DGKH: variants seen among roughly 807,000 people sequenced by gnomAD.
The protein encoded by DGKH is diacylglycerol kinase eta, also known as DAG kinase eta.
A neutral mutation model predicts 159.3 loss-of-function variants in DGKH; 90 were observed. That is an observed-to-expected ratio of 0.57 (90% CI 0.48 to 0.67). The LOEUF (loss-of-function observed/expected upper bound fraction) is 0.67. DGKH is among the 30% of genes least tolerant of loss of function. DGKH has a pLI of 0.00. For synonymous variants in DGKH, 536 were observed against 553.8 expected (o/e 0.97, Z 0.45); for missense variants, 1,181 against 1,506.1 (o/e 0.78, Z 3.57).
intron 1 of DGKH, among the ~76,000 whole-genome samples, chr13:42,043,433 A>C (rs1160537611): frequency 6.6e-6 from 1 of 151,128 alleles, no homozygotes; most frequent in Non-Finnish European, 1.5e-5. Context: ...AGCTCACTGC[A>C]GCCAGGAGGG....
chr13:42,108,625 C>CT (rs1361674739), intron 1 of DGKH, among the ~76,000 whole-genome samples: 2 of 152,102 alleles, frequency 1.3e-5, no homozygotes, highest in Non-Finnish European at 2.9e-5. Flanking sequence ...GACGGCATCT[C>CT]TAAGTGGAGA....
rs56173082 is a variant in DGKH at position 42,218,502 on chromosome 13, C to CTTTTTTTTTTTTTT, written c.3214-719_3214-706dup. Reference sequence around the variant, plus strand: ...AAAGTATTATTTGTTCATGTGGTGACTTTTTTTTTTTTTTTTTTTTTTGAG... The same window carrying CTTTTTTTTTTTTTT: ...AAAGTATTATTTGTTCATGTGGTGACTTTTTTTTTTTTTTTTTTTTTTTTTTTTTTTTTTTTGAG... On this transcript the variant is annotated intron_variant, in intron 26 of 29. Coordinates refer to ENST00000337343, the MANE Select transcript of DGKH (RefSeq NM_178009.5). 5.7e-5 allele frequency among the ~76,000 whole-genome samples: 5 copies of CTTTTTTTTTTTTTT among 88,326 alleles called. 2 individuals carry two copies. Among genetic ancestry groups the CTTTTTTTTTTTTTT allele is most frequent in the African/African-American group, 1.3e-4 (3 of 23,222 alleles). The allele number at this position is 88,326 out of a possible 152,430, so 57.9% of individuals were successfully genotyped here.
At chr13:42,202,141 T>C (rs1216760960) in intron 20 of DGKH, among the ~76,000 whole-genome samples, 2 of 151,970 alleles carry the variant, frequency 1.3e-5, no homozygotes, top group Admixed American at 6.6e-5. Flanking sequence ...ATAAAATGAG[T>C]AAAACAAGAT....
intron 15 of DGKH, among the ~76,000 whole-genome samples, chr13:42,189,705 T>C (rs1408652807): frequency 1.3e-5 from 2 of 152,196 alleles, no homozygotes; most frequent in Admixed American, 1.3e-4. Flanking sequence ...CTCACTCTGT[T>C]GCCCAAGCTG....
At chr13:42,220,535 T>C (rs1167179446) in intron 28 of DGKH, among the ~76,000 whole-genome samples, 1 of 152,206 alleles carries the variant, frequency 6.6e-6, no homozygotes, top group Non-Finnish European at 1.5e-5. Context: ...AAAAAAGTGA[T>C]GTAAAGCCTT....
In DGKH at chr13:42,209,439, A is replaced by G; in HGVS notation, c.2824A>G (p.Arg942Gly). 2.5e-6 allele frequency: 4 copies of G among 1,612,998 alleles called. No individual in the cohort carries two copies. The highest frequency in any genetic ancestry group is 3.4e-6 in the Non-Finnish European group (4 of 1,179,612). Residue 942 changes from arginine (R) to glycine (G), a missense_variant, in exon 23 of 30, where the codon AGA becomes GGA. By Grantham distance (125) the Arg-to-Gly change is moderately radical. Around this residue, in one of 5 missense-constraint regions of DGKH, gnomAD observed 335 missense variants for 495.2 expected, o/e 0.68. Coordinates refer to ENST00000337343, the MANE Select transcript of DGKH (RefSeq NM_178009.5). ...GATTATCAAAATTGTGCACAAAAAC[A>G]GAGCACAAATGCTAACAAGGGACAG... ...PGIIKIVHKN[R>G]AQMLTRDRAF... is the part of the protein sequence containing the mutation.
At chr13:42,049,575 C>G (rs1254004828) in intron 1 of DGKH, among the ~76,000 whole-genome samples, 1 of 152,220 alleles carries the variant, frequency 6.6e-6, no homozygotes, top group African/African-American at 2.4e-5. Flanking sequence ...CCGAGGCAGG[C>G]AAGTGGGACA....
At chr13:42,165,522 T>C (rs1251529282) in intron 8 of DGKH, 89 bp downstream of exon 8, 3 of 661,014 alleles carry the variant, frequency 4.5e-6, no homozygotes, top group Non-Finnish European at 7.1e-6. Context: ...ACTATGATGG[T>C]AATTGACTAT....
chr13:42,043,456 C>T (rs1880633392), intron 1 of DGKH, among the ~76,000 whole-genome samples: 1 of 151,682 alleles, frequency 6.6e-6, no homozygotes, highest in Non-Finnish European at 1.5e-5. Context: ...CCTCCCGTCT[C>T]AGCCTCCTGA....
At chr13:42,205,294 A>T (rs1484216634) in intron 20 of DGKH, among the ~76,000 whole-genome samples, 1 of 152,214 alleles carries the variant, frequency 6.6e-6, no homozygotes, top group Non-Finnish European at 1.5e-5. Context: ...TAGTTTCATA[A>T]CTAATTGTTT....
Position 42,210,855 on chromosome 13 carries a change from G to A in DGKH, c.3014+90G>A. 3.3e-6 allele frequency: 4 copies of A among 1,207,690 alleles called. No individual in the cohort carries two copies. In the South Asian group the frequency reaches 6.2e-5, roughly 19 times the overall value. The allele number at this position is 1,207,690 out of a possible 1,614,324, so 74.8% of individuals were successfully genotyped here. ...AATCTTAATACATTGTTTCAGTAGT[G>A]GTATCAAAAAGAGATGCAATTACTC... is the stretch of plus-strand genomic sequence containing the variant. On this transcript the variant is annotated intron_variant, in intron 24 of 29. Coordinates refer to ENST00000337343, the MANE Select transcript of DGKH (RefSeq NM_178009.5).
intron 6 of DGKH, 58 bp from the exon 7 acceptor site, chr13:42,159,952 TG>T: frequency 6.2e-7 from 1 of 1,612,838 alleles, no homozygotes; most frequent in Non-Finnish European, 8.5e-7. Flanking sequence ...AAATCTCCCC[TG>T]GGGTAAGGTT....
chr13:42,100,827 T>G (rs1954638566), intron 1 of DGKH, among the ~76,000 whole-genome samples: 1 of 152,198 alleles, frequency 6.6e-6, no homozygotes, highest in South Asian at 2.1e-4. Flanking sequence ...TGCATACCAT[T>G]GCTAGAGTTA....
At chr13:42,165,936 CA>C (rs1956301758) in intron 8 of DGKH, among the ~76,000 whole-genome samples, 1 of 152,052 alleles carries the variant, frequency 6.6e-6, no homozygotes, top group Non-Finnish European at 1.5e-5. Flanking sequence ...TCCTTCTAAG[CA>C]AACCGTATTG....
At chr13:42,154,684 T>C (rs1243478508) in intron 3 of DGKH, among the ~76,000 whole-genome samples, 1 of 152,048 alleles carries the variant, frequency 6.6e-6, no homozygotes, top group African/African-American at 2.4e-5. Flanking sequence ...AAATAGACAG[T>C]GGAAGTGATA....
intron 1 of DGKH, among the ~76,000 whole-genome samples, chr13:42,119,394 C>T (rs1955024583): frequency 6.6e-6 from 1 of 152,222 alleles, no homozygotes; most frequent in African/African-American, 2.4e-5. Flanking sequence ...AGACGCTCCT[C>T]TTAGCCGAGG....
chr13:42,148,039 C>T (rs946650063), intron 3 of DGKH, among the ~76,000 whole-genome samples: 1 of 152,178 alleles, frequency 6.6e-6, no homozygotes, highest in East Asian at 1.9e-4. Context: ...GTGAGCAGCA[C>T]GTGCAGTCTT....
At chr13:42,073,987 A>G (rs903996266) in intron 1 of DGKH, among the ~76,000 whole-genome samples, 4 of 152,236 alleles carry the variant, frequency 2.6e-5, no homozygotes, top group African/African-American at 9.6e-5. Context: ...CATGGAACTT[A>G]GTTCTCATAG....
intron 1 of DGKH, among the ~76,000 whole-genome samples, chr13:42,082,396 A>G (rs758272718): frequency 9.9e-4 from 151 of 151,886 alleles, no homozygotes; most frequent in Non-Finnish European, 9.6e-4. Flanking sequence ...TGTCCTTAGG[A>G]TTTTCATATT....
Sources: allele counts gnomAD v4.1 joint callset (sites outside exome capture counted in the v4.1 genomes callset), GRCh38; gene constraint gnomAD v4.1.1; regional missense constraint gnomAD v4.1.1; transcripts MANE v1.5; gene names NCBI Gene and HGNC (gene_info 2026-07-23, HGNC 2026-07-21).